ANKRD44: variants seen among roughly 807,000 people sequenced by gnomAD.
ANKRD44 encodes ankyrin repeat domain 44.
A neutral mutation model predicts 116.0 loss-of-function variants in ANKRD44; 35 were observed. The observed-to-expected ratio is 0.30, with a 90% CI of 0.23 to 0.40. The LOEUF (loss-of-function observed/expected upper bound fraction) is 0.40. Among genes scored for constraint, ANKRD44 ranks in the 10% least tolerant of loss-of-function variants. The probability of loss-of-function intolerance (pLI) is 1.00; values close to 1 mark genes in which losing one functional copy is unlikely to be tolerated. For missense variants in ANKRD44, 1,014 were observed against 1,242.6 expected, an observed-to-expected ratio of 0.82 and a Z score of 2.77; for synonymous variants, 435 against 461.8, an observed-to-expected ratio of 0.94 and a Z score of 0.74.
chr2:197,281,332 C>T (rs970875115), intron 1 of ANKRD44, among the ~76,000 whole-genome samples: 2 of 151,992 alleles, frequency 1.3e-5, no homozygotes, highest in African/African-American at 2.4e-5. Flanking sequence ...ACCTCCTGAT[C>T]CTCCATCCCC....
intron 1 of ANKRD44, among the ~76,000 whole-genome samples, chr2:197,226,764 A>C (rs778150860): frequency 6.6e-6 from 1 of 152,180 alleles, no homozygotes; most frequent in Non-Finnish European, 1.5e-5. Flanking sequence ...TGAGGCCCAG[A>C]GGTATTAAGT....
At chr2:197,109,603 T>C (rs2078517450) in intron 9 of ANKRD44, among the ~76,000 whole-genome samples, 1 of 152,198 alleles carries the variant, frequency 6.6e-6, no homozygotes. Flanking sequence ...GTGCCACTAA[T>C]AATTCAAGTG....
intron 16 of ANKRD44, among the ~76,000 whole-genome samples, chr2:197,068,414 A>T (rs1424224130): frequency 6.8e-6 from 1 of 147,968 alleles, no homozygotes; most frequent in Non-Finnish European, 1.5e-5. Flanking sequence ...TAAAATAAAA[A>T]AAAATAAAAC....
Position 197,016,255 on chromosome 2 carries a change from C to T in ANKRD44, c.1723-2543G>A, listed in dbSNP as rs576858993. ...GCTATTAATTAATGCAATGTAATGC[C>T]ATTTAGATGTACATTCCTGAGGTAT... On this transcript the variant is annotated intron_variant, in intron 17 of 27. Transcript: ENST00000282272. Among the ~76,000 whole-genome samples the T allele has an allele frequency of 2.0e-4, 30 of 152,266 alleles. No homozygotes were observed. The South Asian group carries it at 5.6e-3, about 28-fold the overall frequency.
intron 1 of ANKRD44, among the ~76,000 whole-genome samples, chr2:197,281,220 G>A (rs1193760194): frequency 6.6e-6 from 1 of 152,140 alleles, no homozygotes; most frequent in Admixed American, 6.5e-5. Flanking sequence ...TATACCAAAT[G>A]AACATGTTAC....
At chr2:197,216,119 C>T (rs560142816) in intron 1 of ANKRD44, among the ~76,000 whole-genome samples, 1 of 152,308 alleles carries the variant, frequency 6.6e-6, no homozygotes, top group Admixed American at 6.5e-5. Context: ...TCACCTACCT[C>T]TTCTGGAGGC....
intron 16 of ANKRD44, among the ~76,000 whole-genome samples, chr2:197,052,169 T>A (rs1274765858): frequency 6.6e-6 from 1 of 152,184 alleles, no homozygotes; most frequent in African/African-American, 2.4e-5. Flanking sequence ...AGTGTAACCA[T>A]CAACTTGATA....
intron 10 of ANKRD44, among the ~76,000 whole-genome samples, chr2:197,099,064 A>G (rs985847630): frequency 6.6e-6 from 1 of 152,068 alleles, no homozygotes; most frequent in Non-Finnish European, 1.5e-5. Flanking sequence ...CTGTACTCAG[A>G]TAATTCTCAG....
Position 196,987,790 on chromosome 2 carries a change from A to G in ANKRD44, c.*1801T>C. 1 of 985,470 alleles carries G rather than the reference A, an allele frequency of 1.0e-6. No homozygotes were observed. Among genetic ancestry groups the G allele is most frequent in the Non-Finnish European group, 1.2e-6 (1 of 829,930 alleles). 61.0% of individuals were successfully genotyped at this position (985,470 alleles called of 1,614,324 possible). A position where few individuals can be genotyped will look rare whatever the true frequency, so the allele number is the denominator to read the frequency against. ...GTAGTTGTGGTTAAAATACAGTCTA[A>G]AAATAACACAAATAAAAGCACTAAG... On this transcript the variant is annotated 3_prime_UTR_variant, in exon 28 of 28. Transcript: ENST00000282272.
chr2:197,219,195 G>T (rs192028684), intron 1 of ANKRD44, among the ~76,000 whole-genome samples: 1 of 149,964 alleles, frequency 6.7e-6, no homozygotes, highest in Non-Finnish European at 1.5e-5. Context: ...TCAGCCTCCC[G>T]AGTATCTGGG....
intron 1 of ANKRD44, among the ~76,000 whole-genome samples, chr2:197,273,978 AAAATATAT>A (rs2082985562): frequency 1.2e-4 from 6 of 49,704 alleles, no homozygotes; most frequent in Non-Finnish European, 2.2e-4. Context: ...AAAAAAAAAA[AAAATATAT>A]ATATATATAT....
Position 196,989,631 on chromosome 2 carries a change from G to T in ANKRD44, c.2942C>A (p.Pro981His), listed in dbSNP as rs1246487128. The change falls in exon 28 of 28, where the codon CCC (proline) becomes CAC (histidine). Residue 981 changes from proline (P) to histidine (H), a missense_variant. Coordinates refer to ENST00000282272, the MANE Select transcript of ANKRD44 (RefSeq NM_001195144.2). ...VDENASRSNGPRSTPGTAVQK... is the reference protein window; with the variant it reads ...VDENASRSNGHRSTPGTAVQK... The stretch of plus-strand genomic sequence containing the variant: ...TACAGCGGTTCCAGGTGTGGAACGG[G>T]GTCCATTTGACCTAGAAGCTTTGGC... 29 of 1,550,038 alleles carry T rather than the reference G, an allele frequency of 1.9e-5. No homozygotes were observed. The highest frequency in any genetic ancestry group is 2.4e-5 in the Non-Finnish European group (27 of 1,146,818).
intron 1 of ANKRD44, among the ~76,000 whole-genome samples, chr2:197,187,751 C>T (rs58882686): frequency 0.065 from 9,800 of 151,858 alleles, 1,064 homozygotes; most frequent in African/African-American, 0.22. Flanking sequence ...ACAGTGAAAA[C>T]GTGGCCGTTG....
intron 16 of ANKRD44, chr2:197,028,672 A>G (rs1212322214): frequency 6.4e-6 from 1 of 156,390 alleles, no homozygotes; most frequent in African/African-American, 2.4e-5. Context: ...AAGGTGTCCA[A>G]AATGATTTGA....
intron 1 of ANKRD44, among the ~76,000 whole-genome samples, chr2:197,237,637 C>A (rs1022482432): frequency 6.6e-6 from 1 of 152,190 alleles, no homozygotes; most frequent in African/African-American, 2.4e-5. Flanking sequence ...ATGTAAATCA[C>A]TACAAAAGAG....
chr2:197,055,228 T>C (rs2077181457), intron 16 of ANKRD44, among the ~76,000 whole-genome samples: 1 of 152,244 alleles, frequency 6.6e-6, no homozygotes, highest in African/African-American at 2.4e-5. Context: ...TTATAAATAC[T>C]TGGACATCCT....
At chr2:197,038,216 G>C (rs1011180009) in intron 16 of ANKRD44, among the ~76,000 whole-genome samples, 8 of 152,270 alleles carry the variant, frequency 5.3e-5, no homozygotes, top group Non-Finnish European at 1.0e-4. Context: ...CTCTGGTGGA[G>C]GATGATGATA....
intron 1 of ANKRD44, among the ~76,000 whole-genome samples, chr2:197,202,040 C>A (rs1398984586): frequency 1.3e-5 from 2 of 152,232 alleles, no homozygotes; most frequent in African/African-American, 4.8e-5. Flanking sequence ...TTAGCTGCCC[C>A]TCCTCCACCC....
rs189537314 is a variant in ANKRD44 at position 197,120,162 on chromosome 2, A to G, written c.906+1170T>C. 3.4e-3 allele frequency among the ~76,000 whole-genome samples: 511 copies of G among 152,284 alleles called. 3 individuals are homozygous for G. Among genetic ancestry groups the G allele is most frequent in the African/African-American group, 0.011 (465 of 41,542 alleles). Reference sequence around the variant, plus strand: ...CTCATCATATCTTCTCTTGCTCATGATTACCTGAGTGCATGCTACCTCCCT... The same window carrying G: ...CTCATCATATCTTCTCTTGCTCATGGTTACCTGAGTGCATGCTACCTCCCT... On this transcript the variant is annotated intron_variant, in intron 8 of 27. Coordinates refer to ENST00000282272, the MANE Select transcript of ANKRD44 (RefSeq NM_001195144.2).
Sources: gnomAD v4.1 joint callset for allele counts (sites outside exome capture counted in the v4.1 genomes callset) on GRCh38, gnomAD v4.1.1 for gene constraint, MANE v1.5 for transcripts, NCBI Gene and HGNC (gene_info 2026-07-23, HGNC 2026-07-21) for gene names.